Variants in DGKH observed in about 807,000 individuals in gnomAD.
The protein encoded by DGKH is diacylglycerol kinase eta.
DGKH carries 90 observed loss-of-function variants against 159.3 expected under a neutral mutation model. The ratio of observed to expected loss-of-function variants is 0.57; its 90% confidence interval spans 0.48 to 0.67. The LOEUF (loss-of-function observed/expected upper bound fraction) is 0.67. DGKH is among the 30% of genes least tolerant of loss of function. DGKH has a pLI of 0.00. For synonymous variants in DGKH, 536 were observed against 553.8 expected, an observed-to-expected ratio of 0.97 and a Z score of 0.45; for missense variants, 1,181 against 1,506.1, an observed-to-expected ratio of 0.78 and a Z score of 3.57.
intron 24 of DGKH, among the ~76,000 whole-genome samples, chr13:42,212,560 G>A (rs1184399732): frequency 6.6e-6 from 1 of 152,146 alleles, no homozygotes; most frequent in South Asian, 2.1e-4. Flanking sequence ...TAATCTTATT[G>A]TAAAAAGGAA....
At chr13:42,071,357 C>T (rs7336172) in intron 1 of DGKH, among the ~76,000 whole-genome samples, 2,090 of 152,268 alleles carry the variant, frequency 0.014, 42 homozygotes, top group African/African-American at 0.047. Context: ...GGCAGCAACT[C>T]TGCAGACATT....
intron 3 of DGKH, among the ~76,000 whole-genome samples, chr13:42,143,048 C>G (rs1955611618): frequency 6.6e-6 from 1 of 152,080 alleles, no homozygotes; most frequent in African/African-American, 2.4e-5. Flanking sequence ...ATAAATAGCT[C>G]TTATTACTTT....
intron 1 of DGKH, among the ~76,000 whole-genome samples, chr13:42,076,238 T>C (rs537358162): frequency 3.9e-5 from 6 of 152,224 alleles, no homozygotes; most frequent in Admixed American, 1.3e-4. Flanking sequence ...TTGCAGCCTG[T>C]GTAACAGACT....
intron 27 of DGKH, 150 bp from the exon 28 acceptor site, chr13:42,219,536 G>A (rs1220061686): frequency 8.7e-7 from 1 of 1,147,082 alleles, no homozygotes; most frequent in Non-Finnish European, 1.2e-6. Flanking sequence ...GACATTTTTA[G>A]TAGTACATTG....
chr13:42,077,897 C>T (rs1954129540), intron 1 of DGKH, among the ~76,000 whole-genome samples: 1 of 152,194 alleles, frequency 6.6e-6, no homozygotes, highest in Non-Finnish European at 1.5e-5. Flanking sequence ...AGCCCTGCTT[C>T]CCCCTAGTTC....
At chr13:42,053,015 T>G (rs918975556) in intron 1 of DGKH, among the ~76,000 whole-genome samples, 5 of 152,146 alleles carry the variant, frequency 3.3e-5, no homozygotes, top group Non-Finnish European at 5.9e-5. Flanking sequence ...ACCTAAACAC[T>G]AAAAAGATAT....
At chr13:42,195,071 A>T in intron 17 of DGKH, 55 bp downstream of exon 17, 1 of 1,587,538 alleles carries the variant, frequency 6.3e-7, no homozygotes, top group Non-Finnish European at 8.6e-7. Flanking sequence ...GAAAAGGTGT[A>T]AGTATTTATT....
chr13:42,204,864 ACCAT>A (rs1391979070), intron 20 of DGKH, among the ~76,000 whole-genome samples: 6 of 152,064 alleles, frequency 3.9e-5, no homozygotes, highest in Non-Finnish European at 8.8e-5. Context: ...CTAAACCCAA[ACCAT>A]CCTAGACCAG....
intron 21 of DGKH, among the ~76,000 whole-genome samples, chr13:42,207,614 A>G (rs951939098): frequency 6.6e-6 from 1 of 151,034 alleles, no homozygotes; most frequent in Middle Eastern, 3.5e-3. Context: ...ACTTTTCTAT[A>G]TTAGAAAAAG....
intron 24 of DGKH, among the ~76,000 whole-genome samples, chr13:42,212,369 C>T (rs1957677536): frequency 6.6e-6 from 1 of 152,182 alleles, no homozygotes; most frequent in Non-Finnish European, 1.5e-5. Flanking sequence ...TGAATATTTA[C>T]TCAGCTATAC....
chr13:42,076,964 A>T (rs1954111895), intron 1 of DGKH, among the ~76,000 whole-genome samples: 1 of 152,162 alleles, frequency 6.6e-6, no homozygotes, highest in Non-Finnish European at 1.5e-5. Flanking sequence ...TCAGTAGTTC[A>T]TAGCTGAGAT....
At chr13:42,094,346 C>G (rs1194889732) in intron 1 of DGKH, among the ~76,000 whole-genome samples, 5 of 152,174 alleles carry the variant, frequency 3.3e-5, no homozygotes, top group Admixed American at 6.5e-5. Flanking sequence ...TTTTAAGCAG[C>G]TTTAAAAGGC....
intron 19 of DGKH, 30 bp from the exon 20 acceptor site, chr13:42,199,783 C>T (rs766848204): frequency 6.3e-6 from 10 of 1,584,772 alleles, no homozygotes; most frequent in Non-Finnish European, 8.5e-6. Flanking sequence ...ATAAAATTTC[C>T]TGAAATTGCC....
intron 1 of DGKH, among the ~76,000 whole-genome samples, chr13:42,118,969 A>G (rs1955014980): frequency 6.6e-6 from 1 of 152,226 alleles, no homozygotes; most frequent in Non-Finnish European, 1.5e-5. Flanking sequence ...TTTCTTCCCC[A>G]TTGCCTTAAA....
chr13:42,047,188 G>C (rs1452087396), upstream of DGKH, among the ~76,000 whole-genome samples: 1 of 152,134 alleles, frequency 6.6e-6, no homozygotes, highest in Non-Finnish European at 1.5e-5. Flanking sequence ...TTAAATATTT[G>C]AACTAAACAC....
rs1882922383 is a variant in DGKH at position 42,070,909 on chromosome 13, G to A, written c.192+21944G>A. The stretch of plus-strand genomic sequence containing the variant: ...TCTAATAATCTTGATTTCACATAGA[G>A]CATGTTTGACACTCTGGGGATTGGT... On this transcript the variant is annotated intron_variant, in intron 1 of 29. Transcript: ENST00000337343. 8 of 1,273,600 alleles carry A rather than the reference G, an allele frequency of 6.3e-6. 1 individual carries two copies. Among genetic ancestry groups the A allele is most frequent in the South Asian group, 2.4e-5 (2 of 82,578 alleles). The allele number at this position is 1,273,600 out of a possible 1,614,324, so 78.9% of individuals were successfully genotyped here.
chr13:42,072,190 G>C (rs1182965086), intron 1 of DGKH, among the ~76,000 whole-genome samples: 2 of 152,142 alleles, frequency 1.3e-5, no homozygotes, highest in Non-Finnish European at 2.9e-5. Context: ...TGACATAACC[G>C]CTCTTATCTT....
intron 1 of DGKH, among the ~76,000 whole-genome samples, chr13:42,054,079 G>A (rs774399502): frequency 6.6e-6 from 1 of 152,186 alleles, no homozygotes; most frequent in Non-Finnish European, 1.5e-5. Flanking sequence ...GCCTTACAAA[G>A]TACAATTTGT....
At chr13:42,054,618 A>G (rs1232316850) in intron 1 of DGKH, among the ~76,000 whole-genome samples, 1 of 152,230 alleles carries the variant, frequency 6.6e-6, no homozygotes, top group Admixed American at 6.5e-5. Flanking sequence ...GGATAACTCC[A>G]GAATAATTCT....
Sources: allele counts gnomAD v4.1 joint callset (sites outside exome capture counted in the v4.1 genomes callset), GRCh38; gene constraint gnomAD v4.1.1; transcripts MANE v1.5; gene names NCBI Gene and HGNC (gene_info 2026-07-23, HGNC 2026-07-21).